COL23A1: variants seen among roughly 807,000 people sequenced by gnomAD.
COL23A1 encodes collagen type XXIII alpha 1 chain.
COL23A1 carries 97 observed loss-of-function variants against 99.3 expected under a neutral mutation model. The observed-to-expected ratio is 0.98, with a 90% confidence interval of 0.83 to 1.16. COL23A1 has a LOEUF of 1.16. Ranked by LOEUF, COL23A1 falls within the 50% of genes most tolerant of loss-of-function variation. COL23A1 has a pLI of 0.00. For missense variants in COL23A1, 762 were observed against 757.4 expected (o/e 1.01, Z -0.07); for synonymous variants, 320 against 308.2 (o/e 1.04, Z -0.40).
Position 178,244,298 on chromosome 5 carries a change from C to G in COL23A1, c.1440+1644G>C, listed in dbSNP as rs1307271643. ...GCCACCGTGCCTGGCCGGTAATGTTCTCTTTTTAAAGTCTAGGGTGGGCAC... is the reference window on the plus strand; with the variant it reads ...GCCACCGTGCCTGGCCGGTAATGTTGTCTTTTTAAAGTCTAGGGTGGGCAC... On this transcript the variant is annotated intron_variant, in intron 25 of 28. Coordinates refer to ENST00000390654, the MANE Select transcript of COL23A1 (RefSeq NM_173465.4). 2.0e-5 allele frequency among the ~76,000 whole-genome samples: 3 copies of G among 152,114 alleles called. No homozygotes were observed. In the East Asian group the frequency reaches 5.8e-4, roughly 29 times the overall value.
intron 3 of COL23A1, among the ~76,000 whole-genome samples, chr5:178,305,511 T>G (rs887944935): frequency 1.3e-5 from 2 of 152,238 alleles, no homozygotes; most frequent in African/African-American, 4.8e-5. Flanking sequence ...TTCGCTGTTC[T>G]GTGCATTTAC....
At chr5:178,479,356 G>A (rs989445485) in intron 2 of COL23A1, among the ~76,000 whole-genome samples, 59 of 152,210 alleles carry the variant, frequency 3.9e-4, no homozygotes, top group Non-Finnish European at 5.0e-4. Flanking sequence ...CCACAGCAAC[G>A]AAAAAAACCC....
chr5:178,295,925 G>A (rs1211289532), intron 3 of COL23A1, among the ~76,000 whole-genome samples: 1 of 152,246 alleles, frequency 6.6e-6, no homozygotes, highest in East Asian at 1.9e-4. Context: ...CTAGGTGTGG[G>A]TGCAAGGAAG....
At chr5:178,525,153 TGGCTGGTAAGAA>T (rs1352999716) in intron 2 of COL23A1, among the ~76,000 whole-genome samples, 1 of 1,072 alleles carries the variant, frequency 9.3e-4, no homozygotes, top group Non-Finnish European at 2.7e-3. Context: ...TAAGCTCACA[TGGCTGGTAAGAA>T]ATGGCGACAC....
rs1481301935 is a variant in COL23A1, at chr5:178,384,497, C to A, written c.362-77578G>T. On this transcript the variant is annotated intron_variant, in intron 2 of 28. Coordinates refer to ENST00000390654, the MANE Select transcript of COL23A1 (RefSeq NM_173465.4). The surrounding 1 kb of genome is among the most constrained non-coding windows in gnomAD (Gnocchi z 5.5). ...CTCGGCTTTTTGGAGGCCACGTGGA[C>A]GGCGCTGAGTGCATCCCTCTCCAGC... 6.6e-6 allele frequency among the ~76,000 whole-genome samples: 1 copy of A among 152,144 alleles called. No individual in the cohort carries two copies. The highest frequency in any genetic ancestry group is 1.5e-5 in the Non-Finnish European group (1 of 68,028).
chr5:178,517,873 CTTTTTT>C (rs71577021), intron 2 of COL23A1, among the ~76,000 whole-genome samples: 2,222 of 97,744 alleles, frequency 0.023, 139 homozygotes, highest in African/African-American at 0.084. Context: ...AACAGCGGTT[CTTTTTT>C]TTTTTTTTTT....
chr5:178,517,873 C>CTTTTTTTTTTTTTTTTTTTTT (rs71577021), intron 2 of COL23A1, among the ~76,000 whole-genome samples: 4 of 97,736 alleles, frequency 4.1e-5, no homozygotes, highest in Non-Finnish European at 5.7e-5. Context: ...AACAGCGGTT[C>CTTTTTTTTTTTTTTTTTTTTT]TTTTTTTTTT....
intron 1 of COL23A1, among the ~76,000 whole-genome samples, chr5:178,571,783 A>C (rs1157086985): frequency 6.6e-6 from 1 of 152,130 alleles, no homozygotes; most frequent in Admixed American, 6.6e-5. Context: ...AAAAGACCTA[A>C]ACTGGGCTGG....
intron 2 of COL23A1, among the ~76,000 whole-genome samples, chr5:178,518,588 C>CCGGGCAGAGACGCTCCTCACCTCCCAGAT: frequency 2.1e-5 from 3 of 145,790 alleles, no homozygotes; most frequent in Non-Finnish European, 4.6e-5. Context: ...GATGGGGCGG[C>CCGGGCAGAGACGCTCCTCACCTCCCAGAT]GGGGCAGAGG....
intron 12 of COL23A1, among the ~76,000 whole-genome samples, chr5:178,258,262 T>TATATATATATATACACACAC: frequency 1.9e-5 from 2 of 104,066 alleles, no homozygotes; most frequent in Non-Finnish European, 4.5e-5. Context: ...TATATATATA[T>TATATATATATATACACACAC]ACACATGCAA....
At chr5:178,403,670 A>G (rs1278420722) in intron 2 of COL23A1, among the ~76,000 whole-genome samples, 1 of 152,250 alleles carries the variant, frequency 6.6e-6, no homozygotes, top group East Asian at 1.9e-4. Flanking sequence ...AGTGGTCCTT[A>G]TAGTTCCTGG....
chr5:178,303,413 T>C (rs1758177230), intron 3 of COL23A1, among the ~76,000 whole-genome samples: 1 of 152,252 alleles, frequency 6.6e-6, no homozygotes, highest in South Asian at 2.1e-4. Flanking sequence ...AAACATTTCT[T>C]GGGCTGTGGC....
chr5:178,330,770 G>A (rs1365278332), intron 2 of COL23A1, among the ~76,000 whole-genome samples: 1 of 152,144 alleles, frequency 6.6e-6, no homozygotes, highest in East Asian at 1.9e-4. Flanking sequence ...TGAACCACTA[G>A]GACCTCCTCT....
In COL23A1 at chr5:178,248,103, C is replaced by A. The variant is rs900086008; in HGVS notation, c.1212+89G>T. On this transcript the variant is annotated intron_variant, in intron 20 of 28. Coordinates refer to ENST00000390654, the MANE Select transcript of COL23A1 (RefSeq NM_173465.4). Reference sequence around the variant, plus strand: ...CCTACTGCCCTGGGTTTGCTCAGGCCAGGTGGCCTTTTTGTCCCAAGGCTC... The same window carrying A: ...CCTACTGCCCTGGGTTTGCTCAGGCAAGGTGGCCTTTTTGTCCCAAGGCTC... The A allele has an allele frequency of 3.1e-6, 3 of 960,610 alleles. No homozygotes were observed. In the African/African-American group the frequency reaches 4.8e-5, roughly 15 times the overall value. 59.5% of individuals were successfully genotyped at this position (960,610 alleles called of 1,614,324 possible). A position where few individuals can be genotyped will look rare whatever the true frequency, so the allele number is the denominator to read the frequency against.
intron 2 of COL23A1, among the ~76,000 whole-genome samples, chr5:178,440,353 G>A (rs987205522): frequency 5.3e-5 from 8 of 151,982 alleles, no homozygotes; most frequent in African/African-American, 1.9e-4. Context: ...CATAACCACC[G>A]CCAGCTTCTC....
intron 21 of COL23A1, 48 bp from the exon 22 acceptor site, chr5:178,247,600 C>T: frequency 6.2e-7 from 1 of 1,611,534 alleles, no homozygotes. Context: ...GACCCTCTTG[C>T]AGTGGCCACT....
chr5:178,514,582 C>T lies in COL23A1; in HGVS notation c.361+46100G>A, dbSNP rs550670674. 5.5e-4 allele frequency among the ~76,000 whole-genome samples: 84 copies of T among 152,362 alleles called. 1 individual carries two copies. Among genetic ancestry groups the T allele is most frequent in the African/African-American group, 1.9e-3 (80 of 41,588 alleles). ...AAATTCACCATACTTGGTCCACATC[C>T]TGAAGCCACAGGGCCTGGGGCCACA... On this transcript the variant is annotated intron_variant, in intron 2 of 28. Transcript: ENST00000390654.
chr5:178,567,790 G>A lies in COL23A1; in HGVS notation c.295-7042C>T, dbSNP rs1052347476. Among the ~76,000 whole-genome samples, 8 of 152,130 alleles carry A rather than the reference G, an allele frequency of 5.3e-5. No homozygotes were observed. In the East Asian group the frequency reaches 5.8e-4, roughly 11 times the overall value. ...AAATAATGTTGTGTGGTCTTATAAC[G>A]CAAAGAATAAATTAAATATCCTTGA... On this transcript the variant is annotated intron_variant, in intron 1 of 28. Coordinates refer to ENST00000390654, the MANE Select transcript of COL23A1 (RefSeq NM_173465.4).
At chr5:178,406,685 C>T (rs1764782060) in intron 2 of COL23A1, among the ~76,000 whole-genome samples, 1 of 152,146 alleles carries the variant, frequency 6.6e-6, no homozygotes, top group Non-Finnish European at 1.5e-5. Context: ...GCCTCAGCCT[C>T]CCAAAGTGCT....
Sources: allele counts gnomAD v4.1 joint callset (sites outside exome capture counted in the v4.1 genomes callset), GRCh38; gene constraint gnomAD v4.1.1; non-coding constraint Gnocchi (gnomAD v3.1); transcripts MANE v1.5; gene names NCBI Gene and HGNC (gene_info 2026-07-23, HGNC 2026-07-21).